UBXN8: variants seen among roughly 807,000 people sequenced by gnomAD.
The protein encoded by UBXN8 is UBX domain protein 8, also known as UBX domain-containing protein 8.
A neutral mutation model predicts 32.1 loss-of-function variants in UBXN8; 27 were observed. The ratio of observed to expected loss-of-function variants is 0.84; its 90% CI spans 0.62 to 1.16. The LOEUF (loss-of-function observed/expected upper bound fraction) is 1.16. Among genes scored for constraint, UBXN8 ranks in the 50% most tolerant of loss-of-function variants. UBXN8 has a pLI of 0.00. For missense variants in UBXN8, 306 were observed against 311.4 expected (o/e 0.98, Z 0.13); for synonymous variants, 109 against 111.8 (o/e 0.98, Z 0.16).
At chr8:30,746,343 A>C (rs1805357347) in intron 1 of UBXN8, among the ~76,000 whole-genome samples, 1 of 151,758 alleles carries the variant, frequency 6.6e-6, no homozygotes, top group Non-Finnish European at 1.5e-5. Context: ...TGAGCTTCCA[A>C]TAATTATTTC....
upstream of UBXN8, chr8:30,744,141 G>A (rs567149530): frequency 5.1e-6 from 8 of 1,575,780 alleles, no homozygotes; most frequent in African/African-American, 2.7e-5. Flanking sequence ...CCCGGAAAAC[G>A]CGGCCGGAAG....
upstream of UBXN8, chr8:30,732,384 G>A (rs1804981983): frequency 2.6e-6 from 1 of 389,230 alleles, no homozygotes; most frequent in Non-Finnish European, 4.5e-6. Context: ...CGTTACTTGG[G>A]ATTTACTATC....
chr8:30,766,138 T>G (rs1222224292), intron 7 of UBXN8, 89 bp from the exon 8 acceptor site: 1 of 1,354,424 alleles, frequency 7.4e-7, no homozygotes, highest in Non-Finnish European at 9.9e-7. Context: ...GATTTTACAT[T>G]GACAAAATTA....
intron 1 of UBXN8, among the ~76,000 whole-genome samples, chr8:30,737,775 G>T (rs1805100601): frequency 1.3e-5 from 2 of 152,100 alleles, no homozygotes; most frequent in African/African-American, 4.8e-5. Context: ...GTGGGCCTGG[G>T]AGGTGGAGGC....
chr8:30,760,990 A>G (rs1805817865), intron 6 of UBXN8, 61 bp downstream of exon 6: 2 of 1,188,848 alleles, frequency 1.7e-6, no homozygotes, highest in Non-Finnish European at 2.4e-6. Context: ...CTTAACATCC[A>G]TTAAATATGT....
intron 1 of UBXN8, among the ~76,000 whole-genome samples, chr8:30,736,883 C>T (rs544300470): frequency 3.2e-4 from 49 of 152,250 alleles, no homozygotes; most frequent in African/African-American, 1.1e-3. Flanking sequence ...TGTAGTACTA[C>T]CACACTGTCT....
chr8:30,751,674 T>C (rs1449828261), intron 2 of UBXN8, among the ~76,000 whole-genome samples, 156 bp downstream of exon 2: 1 of 152,194 alleles, frequency 6.6e-6, no homozygotes, highest in African/African-American at 2.4e-5. Flanking sequence ...TTTGTGTTGG[T>C]TTTTAAACAT....
At chr8:30,739,371 C>CT (rs1294390302), upstream of UBXN8, among the ~76,000 whole-genome samples, 1 of 150,668 alleles carries the variant, frequency 6.6e-6, no homozygotes, top group Non-Finnish European at 1.5e-5. Context: ...GGTGAAACCC[C>CT]GTCTCTACTA....
chr8:30,750,033 A>G (rs1182552368), intron 1 of UBXN8, among the ~76,000 whole-genome samples: 1 of 152,194 alleles, frequency 6.6e-6, no homozygotes, highest in East Asian at 1.9e-4. Flanking sequence ...TATTCCCAAG[A>G]TAGTGTTTAT....
At chr8:30,736,802 T>C (rs1805078597) in intron 1 of UBXN8, among the ~76,000 whole-genome samples, 1 of 152,166 alleles carries the variant, frequency 6.6e-6, no homozygotes, top group Non-Finnish European at 1.5e-5. Context: ...TATTTTGCAA[T>C]ATTTAAGATA....
intron 3 of UBXN8, among the ~76,000 whole-genome samples, chr8:30,753,415 C>T (rs1409472834): frequency 6.6e-6 from 1 of 152,116 alleles, no homozygotes; most frequent in African/African-American, 2.4e-5. Flanking sequence ...CACCACCACA[C>T]CCAGCTAATT....
chr8:30,766,495 C>A lies in UBXN8; in HGVS notation c.*101C>A. 1 of 1,238,526 alleles carries A rather than the reference C, an allele frequency of 8.1e-7. No homozygotes were observed. The highest frequency in any genetic ancestry group is 1.1e-6 in the Non-Finnish European group (1 of 931,020). 76.7% of individuals were successfully genotyped at this position (1,238,526 alleles called of 1,614,324 possible). ...CAAATCACACTATACCTTGATTGAG[C>A]TCATGGCAGTAAACTTTGAACATTG... On this transcript the variant is annotated 3_prime_UTR_variant, in exon 8 of 8. Coordinates refer to ENST00000265616, the MANE Select transcript of UBXN8 (RefSeq NM_005671.4).
intron 7 of UBXN8, among the ~76,000 whole-genome samples, 182 bp from the exon 8 acceptor site, chr8:30,766,045 C>A (rs1028397293): frequency 6.6e-6 from 1 of 150,552 alleles, no homozygotes; most frequent in South Asian, 2.1e-4. Context: ...TATCTCTGAA[C>A]TCATGGCAAG....
chr8:30,744,412 C>A (rs1255911746), intron 1 of UBXN8, 135 bp downstream of exon 1: 19 of 808,412 alleles, frequency 2.4e-5, no homozygotes, highest in Non-Finnish European at 3.4e-5. Context: ...TCGCCCCTGC[C>A]CCCCCACTTC....
At chr8:30,737,234 C>T (rs974025053) in intron 1 of UBXN8, among the ~76,000 whole-genome samples, 3 of 151,610 alleles carry the variant, frequency 2.0e-5, no homozygotes, top group African/African-American at 7.3e-5. Context: ...GTGTTACCTT[C>T]TGCTTTTTGG....
upstream of UBXN8, among the ~76,000 whole-genome samples, chr8:30,730,505 G>A (rs1804925570): frequency 6.6e-6 from 1 of 152,122 alleles, no homozygotes; most frequent in Non-Finnish European, 1.5e-5. Flanking sequence ...AACATGCACC[G>A]GCTGATTACC....
In UBXN8 at chr8:30,747,038, C is replaced by T. The variant is rs190038280; in HGVS notation, c.88+2761C>T. On this transcript the variant is annotated intron_variant, in intron 1 of 7. Coordinates refer to ENST00000265616, the MANE Select transcript of UBXN8 (RefSeq NM_005671.4). The stretch of plus-strand genomic sequence containing the variant: ...AGCATGGTGGCGCACGCCTGTAGTC[C>T]CAGCTTCTTGGGAGGCTGAGGCAGG... Among the ~76,000 whole-genome samples the T allele has an allele frequency of 4.7e-3, 654 of 138,072 alleles. 116 individuals are homozygous for T. Among genetic ancestry groups the T allele is most frequent in the African/African-American group, 0.017 (599 of 35,650 alleles). 90.6% of individuals were successfully genotyped at this position (138,072 alleles called of 152,430 possible). A position where few individuals can be genotyped will look rare whatever the true frequency, so the allele number is the denominator to read the frequency against.
At chr8:30,740,510 C>G (rs1392186917), upstream of UBXN8, among the ~76,000 whole-genome samples, 4 of 40,616 alleles carry the variant, frequency 9.8e-5, no homozygotes, top group African/African-American at 3.8e-4. Context: ...CAAGATCAGC[C>G]TGAACAATAT....
At chr8:30,738,609 C>T (rs6993738) in intron 1 of UBXN8, among the ~76,000 whole-genome samples, 14 of 138,646 alleles carry the variant, frequency 1.0e-4, no homozygotes, top group Non-Finnish European at 1.5e-4. Flanking sequence ...TGCAGTGAGC[C>T]GAGATCGTGC....
Sources: gnomAD v4.1 joint callset for allele counts (sites outside exome capture counted in the v4.1 genomes callset) on GRCh38, gnomAD v4.1.1 for gene constraint, MANE v1.5 for transcripts, NCBI Gene and HGNC (gene_info 2026-07-23, HGNC 2026-07-21) for gene names.